SLC30A8: variants seen among roughly 807,000 people sequenced by gnomAD.
SLC30A8 encodes the protein proton-coupled zinc antiporter SLC30A8.
SLC30A8 carries 27 observed loss-of-function variants against 36.9 expected under a neutral mutation model. The ratio of observed to expected loss-of-function variants is 0.73; its 90% CI spans 0.54 to 1.01. The LOEUF (loss-of-function observed/expected upper bound fraction) is 1.01, where lower values mean the gene tolerates loss of function less well. Among genes scored for constraint, SLC30A8 ranks in the 50% least tolerant of loss-of-function variants. The probability of loss-of-function intolerance (pLI) is 0.00; values close to 1 mark genes in which losing one functional copy is unlikely to be tolerated. For missense variants in SLC30A8, 439 were observed against 452.0 expected (o/e 0.97, Z 0.26); for synonymous variants, 164 against 172.4 (o/e 0.95, Z 0.38).
chr8:117,031,572 C>T (rs991334092), intron 1 of SLC30A8, among the ~76,000 whole-genome samples: 14 of 151,606 alleles, frequency 9.2e-5, no homozygotes, highest in Admixed American at 3.9e-4. Context: ...GCGATTCTCC[C>T]GCCTCAGCCT....
chr8:117,162,429 T>TA (rs1822839218), intron 5 of SLC30A8, among the ~76,000 whole-genome samples: 1 of 151,870 alleles, frequency 6.6e-6, no homozygotes, highest in Non-Finnish European at 1.5e-5. Context: ...GGGGGAGAGG[T>TA]AACTTCTCCC....
At chr8:116,996,460 A>G (rs1815822050) in intron 1 of SLC30A8, among the ~76,000 whole-genome samples, 1 of 152,226 alleles carries the variant, frequency 6.6e-6, no homozygotes, top group Non-Finnish European at 1.5e-5. Flanking sequence ...CAAGCTAATT[A>G]ACATGTGTTA....
chr8:117,038,200 CATG>C (rs1365241399), intron 1 of SLC30A8, among the ~76,000 whole-genome samples: 1 of 152,180 alleles, frequency 6.6e-6, no homozygotes, highest in Non-Finnish European at 1.5e-5. Flanking sequence ...AGAAAGTTTA[CATG>C]ATAAGTTAAG....
chr8:117,142,777 A>G (rs767925292), intron 1 of SLC30A8, among the ~76,000 whole-genome samples: 1 of 152,072 alleles, frequency 6.6e-6, no homozygotes, highest in Non-Finnish European at 1.5e-5. Context: ...CCTTCTCACC[A>G]TTCATCATAC....
intron 1 of SLC30A8, among the ~76,000 whole-genome samples, chr8:116,964,569 T>A (rs1171816272): frequency 2.6e-5 from 4 of 152,230 alleles, no homozygotes; most frequent in Non-Finnish European, 5.9e-5. Flanking sequence ...AGCACCTGCA[T>A]CCTGGATGGG....
intron 2 of SLC30A8, among the ~76,000 whole-genome samples, chr8:117,067,856 G>A (rs1011583479): frequency 6.6e-6 from 1 of 152,056 alleles, no homozygotes; most frequent in African/African-American, 2.4e-5. Context: ...ACATTTTACT[G>A]GGAAATGGGG....
chr8:117,153,084 C>A lies in SLC30A8; in HGVS notation c.412C>A (p.Arg138=). The A allele has an allele frequency of 6.2e-7, 1 of 1,606,124 alleles. No homozygotes were observed. The highest frequency in any genetic ancestry group is 8.5e-7 in the Non-Finnish European group (1 of 1,175,104). Residue 138 remains arginine, a synonymous_variant, in exon 3 of 8, where the codon CGA becomes AGA. Transcript: ENST00000456015. ...TAAGCGGCTGACATTTGGATGGCAC[C>A]GAGCAGGTACGGTTCATAGAGTGAG... ...PSKRLTFGWH[R]AEILGALLSI...
In SLC30A8 at chr8:117,174,253, ACT is replaced by A. The variant is rs1370606891; in HGVS notation, c.*1575_*1576del. Reference sequence around the variant, plus strand: ...GGCATTAATAATTGTTGAGGCAATGACTCTGAGGCTATATCTGGGCCTTGTCA... The same window carrying A: ...GGCATTAATAATTGTTGAGGCAATGACTGAGGCTATATCTGGGCCTTGTCA... On this transcript the variant is annotated 3_prime_UTR_variant, in exon 8 of 8. Coordinates refer to ENST00000456015, the MANE Select transcript of SLC30A8 (RefSeq NM_173851.3). The A allele has an allele frequency of 6.6e-6, 1 of 151,968 alleles. No individual in the cohort carries two copies. Among genetic ancestry groups the A allele is most frequent in the Non-Finnish European group, 1.5e-5 (1 of 67,970 alleles). 9.4% of individuals were successfully genotyped at this position (151,968 alleles called of 1,614,324 possible).
At chr8:117,104,739 T>G (rs1276880556) in intron 2 of SLC30A8, among the ~76,000 whole-genome samples, 3 of 152,144 alleles carry the variant, frequency 2.0e-5, no homozygotes, top group Non-Finnish European at 4.4e-5. Flanking sequence ...GAATAAAAAA[T>G]GGCTACTCCA....
chr8:117,039,263 A>C (rs1051731716), intron 2 of SLC30A8: 1 of 152,242 alleles, frequency 6.6e-6, no homozygotes, highest in South Asian at 2.1e-4. Flanking sequence ...ACCTAGGTAT[A>C]TCTATATTTA....
intron 2 of SLC30A8, chr8:117,128,597 C>T (rs1302648476): frequency 2.0e-5 from 3 of 151,992 alleles, no homozygotes; most frequent in Non-Finnish European, 4.4e-5. Context: ...TGTCTACACT[C>T]TTGAAATTTA....
chr8:116,958,166 CTCT>C (rs1316297504), intron 1 of SLC30A8, among the ~76,000 whole-genome samples: 4 of 152,342 alleles, frequency 2.6e-5, no homozygotes, highest in Non-Finnish European at 4.4e-5. Flanking sequence ...GGCTGGACCG[CTCT>C]TCTTATTCTG....
At chr8:117,115,731 C>G (rs767308585) in intron 2 of SLC30A8, among the ~76,000 whole-genome samples, 1 of 151,970 alleles carries the variant, frequency 6.6e-6, no homozygotes, top group Non-Finnish European at 1.5e-5. Context: ...GATTAGGAGC[C>G]ACTTTCTTCA....
chr8:117,026,617 A>G (rs17745016), intron 1 of SLC30A8, among the ~76,000 whole-genome samples: 16,813 of 152,168 alleles, frequency 0.11, 1,154 homozygotes, highest in East Asian at 0.18. Context: ...TCTTAGATGA[A>G]GTATCCAAAG....
chr8:117,044,204 G>A lies in SLC30A8; in HGVS notation c.-226+4946G>A, dbSNP rs117439771. On this transcript the variant is annotated intron_variant, in intron 2 of 10. Coordinates refer to the SLC30A8 transcript ENST00000427715. ...AAAGTGTTCAGGCAGAGGGGTATCC[G>A]CGTACACAAAGGCCAAGAATTCACC... 3.5e-3 allele frequency among the ~76,000 whole-genome samples: 540 copies of A among 152,272 alleles called. 2 individuals carry two copies. The highest frequency in any genetic ancestry group is 4.4e-3 in the Non-Finnish European group (298 of 68,010).
intron 1 of SLC30A8, among the ~76,000 whole-genome samples, chr8:117,033,876 G>A (rs1020534036): frequency 1.3e-5 from 2 of 152,180 alleles, no homozygotes; most frequent in South Asian, 4.1e-4. Flanking sequence ...CCTAGTGAGA[G>A]CATGTATTAC....
chr8:117,097,894 A>AATT (rs1819510934), intron 2 of SLC30A8, among the ~76,000 whole-genome samples: 4 of 100,054 alleles, frequency 4.0e-5, no homozygotes, highest in African/African-American at 1.7e-4. Flanking sequence ...ATAAATATAT[A>AATT]TTATATATAA....
intron 1 of SLC30A8, among the ~76,000 whole-genome samples, chr8:116,972,202 A>C (rs572079699): frequency 6.6e-6 from 1 of 152,362 alleles, no homozygotes; most frequent in South Asian, 2.1e-4. Flanking sequence ...CATTAGAAAT[A>C]TCATGCAACA....
Position 117,054,098 on chromosome 8 carries a change from C to CTTTTTTTTTTTT in SLC30A8, c.-226+14847_-226+14858dup, listed in dbSNP as rs4060800. On this transcript the variant is annotated intron_variant, in intron 2 of 10. Transcript: ENST00000427715. The stretch of plus-strand genomic sequence containing the variant: ...CATACACTAAATGTACTGCAAAAAT[C>CTTTTTTTTTTTT]TTTTTTTTTTTTTTTTTTGAGACAG... 1.0e-4 allele frequency among the ~76,000 whole-genome samples: 13 copies of CTTTTTTTTTTTT among 124,168 alleles called. 1 individual carries two copies. Among genetic ancestry groups the CTTTTTTTTTTTT allele is most frequent in the African/African-American group, 3.4e-4 (11 of 32,066 alleles). 81.5% of individuals were successfully genotyped at this position (124,168 alleles called of 152,430 possible).
Sources: gnomAD v4.1 joint callset for allele counts (sites outside exome capture counted in the v4.1 genomes callset) on GRCh38, gnomAD v4.1.1 for gene constraint, MANE v1.5 for transcripts, NCBI Gene and HGNC (gene_info 2026-07-23, HGNC 2026-07-21) for gene names.